The following SMARCA2 variants were observed in gnomAD, a reference collection of about 807,000 sequenced individuals.
SMARCA2 encodes the protein SWI/SNF-related matrix-associated actin-dependent regulator of chromatin subfamily A member 2.
Under a neutral mutation model 199.8 loss-of-function variants are expected in SMARCA2, and 61 were observed. That is an observed-to-expected ratio of 0.31 (90% CI 0.25 to 0.38). The LOEUF (loss-of-function observed/expected upper bound fraction) is 0.38, where lower values mean the gene tolerates loss of function less well. Among genes scored for constraint, SMARCA2 ranks in the 10% least tolerant of loss-of-function variants. The probability of loss-of-function intolerance (pLI) is 1.00; values close to 1 mark genes in which losing one functional copy is unlikely to be tolerated. For missense variants in SMARCA2, 1,344 were observed against 2,012.2 expected (o/e 0.67, Z 6.35); for synonymous variants, 935 against 732.0 (o/e 1.28, Z -4.48).
chr9:2,065,898 C>G (rs1398318240), intron 9 of SMARCA2, among the ~76,000 whole-genome samples: 1 of 152,108 alleles, frequency 6.6e-6, no homozygotes, highest in Non-Finnish European at 1.5e-5. Context: ...TGGGGGAGAC[C>G]AGAAGTTTCG....
intron 27 of SMARCA2, among the ~76,000 whole-genome samples, chr9:2,128,674 A>C (rs1823803023): frequency 6.6e-6 from 1 of 152,240 alleles, no homozygotes; most frequent in Admixed American, 6.5e-5. Flanking sequence ...TGTATTTGGG[A>C]TCACATAGTG....
chr9:2,187,936 G>A (rs941919767), intron 32 of SMARCA2, among the ~76,000 whole-genome samples: 1 of 151,928 alleles, frequency 6.6e-6, no homozygotes, highest in Admixed American at 6.6e-5. Context: ...AAAACTGTGT[G>A]CTATGTTTTT....
intron 27 of SMARCA2, among the ~76,000 whole-genome samples, chr9:2,142,446 TTCTC>T (rs972463865): frequency 2.0e-5 from 3 of 151,992 alleles, no homozygotes; most frequent in East Asian, 3.9e-4. Context: ...GGATTTGGTA[TTCTC>T]TCTCTCTCTC....
chr9:2,058,457 G>T lies in SMARCA2; in HGVS notation c.1514G>T (p.Arg505Leu). The part of the protein sequence containing the change: ...TERIEKERMR[R>L]LMAEDEEGYR... ...CGGATTGAAAAGGAGAGAATGCGGC[G>T]ACTGATGGTAAGGAACTCCCTGCAG... The change falls in exon 8 of 34, where the codon CGA (arginine) becomes CTA (leucine). Residue 505 changes from arginine to leucine, a missense_variant. Arg to Leu is a moderately radical substitution (Grantham distance 102, BLOSUM62 -2). Transcript: ENST00000349721. 6.2e-7 allele frequency: 1 copy of T among 1,613,878 alleles called. No individual in the cohort carries two copies. Among genetic ancestry groups the T allele is most frequent in the South Asian group, 1.1e-5 (1 of 91,038 alleles).
chr9:2,092,924 G>A (rs904022478), intron 19 of SMARCA2, among the ~76,000 whole-genome samples: 6 of 152,178 alleles, frequency 3.9e-5, no homozygotes, highest in African/African-American at 1.2e-4. Context: ...AGACTCAACC[G>A]AGTTGGAGTT....
intron 27 of SMARCA2, among the ~76,000 whole-genome samples, chr9:2,149,702 A>G (rs1563804094): frequency 6.6e-6 from 1 of 151,552 alleles, no homozygotes; most frequent in Admixed American, 6.6e-5. Flanking sequence ...GTGGGGACAC[A>G]GAGCCAAACC....
In SMARCA2 at chr9:2,086,616, G is replaced by A. The variant is rs560824532; in HGVS notation, c.2527-213G>A. Among the ~76,000 whole-genome samples the A allele has an allele frequency of 6.6e-6, 1 of 152,142 alleles. No homozygotes were observed. The highest frequency in any genetic ancestry group is 2.4e-5 in the African/African-American group (1 of 41,426). On this transcript the variant is annotated intron_variant, in intron 17 of 33. Transcript: ENST00000349721. This position sits in a 1 kb window ranked among gnomAD's most constrained non-coding sequence, Gnocchi z 4.3. ...GATTTGGAATTACGTGGTCTGTAAG[G>A]AACATTGTTCCTTTAACATTCTATT...
intron 29 of SMARCA2, among the ~76,000 whole-genome samples, chr9:2,173,997 A>T (rs1317029921): frequency 2.0e-5 from 3 of 152,214 alleles, no homozygotes; most frequent in Non-Finnish European, 2.9e-5. Context: ...TTGCTGAAAC[A>T]GGCTGCTTTG....
Position 2,104,349 on chromosome 9 carries a change from C to T in SMARCA2, c.3292+180C>T, listed in dbSNP as rs574808027. Among the ~76,000 whole-genome samples the T allele has an allele frequency of 1.8e-4, 28 of 152,286 alleles. No homozygotes were observed. The highest frequency in any genetic ancestry group is 6.3e-4 in the African/African-American group (26 of 41,564). ...CCTTAAGCTTTAAATAAGCTGACCT[C>T]ATTTGTGCAGCTGCATAGCCCACAA... On this transcript the variant is annotated intron_variant, in intron 23 of 33. Transcript: ENST00000349721. The surrounding 1 kb of genome is among the most constrained non-coding windows in gnomAD (Gnocchi z 4.0).
In SMARCA2 at chr9:2,123,922, G is replaced by A. The variant is rs1221386758; in HGVS notation, c.3966G>A (p.Glu1322=). Residue 1322 remains glutamate (E), a synonymous_variant, in exon 27 of 34, where the codon GAG becomes GAA. Coordinates refer to ENST00000349721, the MANE Select transcript of SMARCA2 (RefSeq NM_003070.5). The surrounding 1 kb of genome is among the most constrained non-coding windows in gnomAD (Gnocchi z 4.1). ...TGGACTACAGTGACGCCCTCACGGA[G>A]AAGCAGTGGCTAAGGGTAAGCCTAG... ...RDVDYSDALT[E]KQWLRAIEDG... is the part of the protein sequence containing the mutation. 3 of 1,571,716 alleles carry A rather than the reference G, an allele frequency of 1.9e-6. No individual in the cohort carries two copies. The highest frequency in any genetic ancestry group is 2.3e-5 in the South Asian group (2 of 85,824).
At chr9:2,152,018 A>G (rs569447459) in intron 27 of SMARCA2, among the ~76,000 whole-genome samples, 1 of 151,836 alleles carries the variant, frequency 6.6e-6, no homozygotes, top group African/African-American at 2.4e-5. Context: ...ATTAAAAGAA[A>G]ATGGTAATTA....
At chr9:2,095,998 A>G (rs1052221091) in intron 19 of SMARCA2, among the ~76,000 whole-genome samples, 2 of 152,310 alleles carry the variant, frequency 1.3e-5, no homozygotes, top group East Asian at 1.9e-4. Context: ...AACTTTTTAA[A>G]ATTGGATTTT....
intron 1 of SMARCA2, among the ~76,000 whole-genome samples, chr9:2,019,061 C>G (rs572552744): frequency 3.3e-5 from 5 of 151,144 alleles, no homozygotes; most frequent in South Asian, 2.1e-4. Context: ...CTTTACAATG[C>G]AAATGTTTGC....
At chr9:2,046,186 C>T (rs887835382) in intron 4 of SMARCA2, 8 of 152,106 alleles carry the variant, frequency 5.3e-5, no homozygotes, top group African/African-American at 1.9e-4. Context: ...AAAAATTTAA[C>T]TCATCTGGTA....
At chr9:2,015,789 G>A (rs895788062) in intron 1 of SMARCA2, among the ~76,000 whole-genome samples, 40 of 152,186 alleles carry the variant, frequency 2.6e-4, no homozygotes, top group Non-Finnish European at 5.9e-5. Context: ...AGTCAGAGGC[G>A]CTGCCAACTC....
At chr9:2,078,343 A>G (rs1821415946) in intron 14 of SMARCA2, among the ~76,000 whole-genome samples, 1 of 151,744 alleles carries the variant, frequency 6.6e-6, no homozygotes, top group African/African-American at 2.4e-5. Context: ...GTGGTGGCAC[A>G]TGCCTGTAAT....
At chr9:2,060,104 T>A (rs1448893460) in intron 8 of SMARCA2, among the ~76,000 whole-genome samples, 2 of 109,394 alleles carry the variant, frequency 1.8e-5, no homozygotes, top group African/African-American at 7.4e-5. Context: ...CATTACTCAG[T>A]GCAGATCTGT....
chr9:2,161,945 ACGCCGAGTGGCGCTC>A lies in SMARCA2; in HGVS notation c.4199+44_4199+58del. 1 of 1,534,644 alleles carries A rather than the reference ACGCCGAGTGGCGCTC, an allele frequency of 6.5e-7. No individual in the cohort carries two copies. The highest frequency in any genetic ancestry group is 9.0e-7 in the Non-Finnish European group (1 of 1,112,530). ...TTCACCTTGATCATCTCTCACCAAG[ACGCCGAGTGGCGCTC>A]CCTGAGGAGCAGGAGTTGTTAAGTT... On this transcript the variant is annotated intron_variant, in intron 28 of 33. Transcript: ENST00000349721. This position sits in a 1 kb window ranked among gnomAD's most constrained non-coding sequence, Gnocchi z 4.7.
chr9:2,096,683 G>C lies in SMARCA2; in HGVS notation c.2910G>C (p.Met970Ile). 1 of 1,613,574 alleles carries C rather than the reference G, an allele frequency of 6.2e-7. No individual in the cohort carries two copies. The highest frequency in any genetic ancestry group is 8.5e-7 in the Non-Finnish European group (1 of 1,179,496). ...EKVEYVIKCD[M>I]SALQKILYRH... ...TGGAATATGTGATCAAGTGTGACATGTCAGCTCTGCAGAAGATTCTGTATC... is the reference window on the plus strand; with the variant it reads ...TGGAATATGTGATCAAGTGTGACATCTCAGCTCTGCAGAAGATTCTGTATC... Residue 970 changes from methionine (M) to isoleucine (I), a missense_variant, in exon 20 of 34, where the codon ATG (methionine) becomes ATC (isoleucine). Physicochemically the swap from Met to Ile is conservative, Grantham distance 10. Coordinates refer to ENST00000349721, the MANE Select transcript of SMARCA2 (RefSeq NM_003070.5).
Sources: gnomAD v4.1 joint callset for allele counts (sites outside exome capture counted in the v4.1 genomes callset) on GRCh38, gnomAD v4.1.1 for gene constraint, Gnocchi (gnomAD v3.1) non-coding constraint, MANE v1.5 for transcripts, NCBI Gene and HGNC (gene_info 2026-07-23, HGNC 2026-07-21) for gene names.